The following LRCH1 variants were observed in gnomAD, a reference collection of about 807,000 sequenced individuals.
LRCH1 encodes the protein leucine-rich repeat and calponin homology domain-containing protein 1.
LRCH1 carries 23 observed loss-of-function variants against 94.9 expected under a neutral mutation model. That is an observed-to-expected ratio of 0.24 (90% CI 0.17 to 0.34). The LOEUF (loss-of-function observed/expected upper bound fraction) is 0.34, where lower values mean the gene tolerates loss of function less well. LRCH1 is among the 10% of genes least tolerant of loss of function. The probability of loss-of-function intolerance (pLI) is 1.00; values close to 1 mark genes in which losing one functional copy is unlikely to be tolerated. For synonymous variants in LRCH1, 364 were observed against 354.9 expected (o/e 1.03, Z -0.29); for missense variants, 790 against 945.9 (o/e 0.84, Z 2.16).
intron 19 of LRCH1, among the ~76,000 whole-genome samples, chr13:46,737,614 A>G (rs1328843317): frequency 6.6e-6 from 1 of 152,218 alleles, no homozygotes; most frequent in Non-Finnish European, 1.5e-5. Context: ...GGTCTTGAAG[A>G]CAGGCCTTAG....
intron 1 of LRCH1, among the ~76,000 whole-genome samples, chr13:46,600,674 G>A (rs1183203273): frequency 7.1e-6 from 1 of 140,192 alleles, no homozygotes; most frequent in African/African-American, 2.6e-5. Context: ...AGTATTTGTT[G>A]CAAGTTGCAG....
At position 46,727,081 on chromosome 13, in the gene LRCH1, G is replaced by A. The variant is rs139099086; in HGVS notation, c.1870-1766G>A. 3.5e-3 allele frequency among the ~76,000 whole-genome samples: 532 copies of A among 152,246 alleles called. 6 individuals carry two copies. Among genetic ancestry groups the A allele is most frequent in the South Asian group, 0.02 (99 of 4,830 alleles). On this transcript the variant is annotated intron_variant, in intron 17 of 19. Transcript: ENST00000389797. Reference sequence around the variant, plus strand: ...TTATTTGACAGATATTTTTAAACCAGCCATGATGAAAATGCTTCGGTGAAC... The same window carrying A: ...TTATTTGACAGATATTTTTAAACCAACCATGATGAAAATGCTTCGGTGAAC...
chr13:46,646,274 G>A (rs2051219843), intron 1 of LRCH1, among the ~76,000 whole-genome samples: 1 of 152,154 alleles, frequency 6.6e-6, no homozygotes, highest in Non-Finnish European at 1.5e-5. Flanking sequence ...AGACAGAGAT[G>A]TGTATACACA....
At chr13:46,660,343 T>A (rs1233651900) in intron 2 of LRCH1, among the ~76,000 whole-genome samples, 1 of 152,026 alleles carries the variant, frequency 6.6e-6, no homozygotes, top group Non-Finnish European at 1.5e-5. Context: ...TTAACTTAGA[T>A]TTTTAGAATC....
At chr13:46,686,952 ATTTTTT>A (rs71077916) in intron 5 of LRCH1, among the ~76,000 whole-genome samples, 57 of 85,444 alleles carry the variant, frequency 6.7e-4, no homozygotes, top group South Asian at 9.1e-4. Context: ...GAGTATATTG[ATTTTTT>A]TTTTTTTTTT....
chr13:46,719,224 C>A (rs141055850), intron 16 of LRCH1, among the ~76,000 whole-genome samples: 102 of 152,338 alleles, frequency 6.7e-4, no homozygotes, highest in Middle Eastern at 6.8e-3. Context: ...GGCGACTGAT[C>A]ATCAGAATAG....
chr13:46,650,113 T>C (rs1308366839), intron 1 of LRCH1, 88 bp from the exon 2 acceptor site: 4 of 862,776 alleles, frequency 4.6e-6, no homozygotes, highest in East Asian at 2.7e-5. Context: ...AAATGTATAA[T>C]GTTAAGAAAA....
At chr13:46,746,596 G>A (rs895682331), downstream of LRCH1, among the ~76,000 whole-genome samples, 2 of 152,092 alleles carry the variant, frequency 1.3e-5, no homozygotes, top group Admixed American at 6.5e-5. Flanking sequence ...AAAAATCTCC[G>A]GGATCCTATA....
intron 1 of LRCH1, among the ~76,000 whole-genome samples, chr13:46,592,109 AC>A (rs1357015995): frequency 6.6e-6 from 1 of 152,160 alleles, no homozygotes; most frequent in Non-Finnish European, 1.5e-5. Flanking sequence ...CTGAGCCCCT[AC>A]CATCTTTCCA....
intron 1 of LRCH1, among the ~76,000 whole-genome samples, chr13:46,627,598 C>G (rs139794187): frequency 6.6e-6 from 1 of 152,232 alleles, no homozygotes; most frequent in African/African-American, 2.4e-5. Flanking sequence ...CTTCTTCTTC[C>G]TCCCTCTCAG....
chr13:46,744,993 CCATA>C, downstream of LRCH1: 7 of 791,150 alleles, frequency 8.8e-6, no homozygotes, highest in Non-Finnish European at 9.2e-6. Flanking sequence ...TTCCTTCATT[CCATA>C]AATATTGAAT....
chr13:46,579,819 T>C (rs535222893), intron 1 of LRCH1, among the ~76,000 whole-genome samples: 48 of 152,366 alleles, frequency 3.2e-4, no homozygotes, highest in African/African-American at 1.1e-3. Flanking sequence ...ACAAAACTTT[T>C]GTTTCAGAAG....
rs778098268 is a variant in LRCH1, at chr13:46,750,682, C to G, written c.*32C>G. 42 of 1,439,166 alleles carry G rather than the reference C, an allele frequency of 2.9e-5. 1 individual carries two copies. The African/African-American group carries it at 5.2e-4, about 18-fold the overall frequency. 89.1% of individuals were successfully genotyped at this position (1,439,166 alleles called of 1,614,324 possible). A position where few individuals can be genotyped will look rare whatever the true frequency, so the allele number is the denominator to read the frequency against. On this transcript the variant is annotated 3_prime_UTR_variant, in exon 19 of 19. Coordinates refer to the LRCH1 transcript ENST00000311191. The stretch of plus-strand genomic sequence containing the variant: ...CCCTTCTCCATTGGGGGCTCAGACT[C>G]TGCTCTCATCCAGGATCCTGAACTC...
intron 1 of LRCH1, among the ~76,000 whole-genome samples, chr13:46,636,028 T>C (rs1217629138): frequency 1.4e-5 from 2 of 147,608 alleles, no homozygotes; most frequent in African/African-American, 2.5e-5. Flanking sequence ...GTAAGACATA[T>C]ACAACACAAC....
At chr13:46,746,576 C>G (rs953938139), downstream of LRCH1, among the ~76,000 whole-genome samples, 1 of 152,182 alleles carries the variant, frequency 6.6e-6, no homozygotes, top group Non-Finnish European at 1.5e-5. Flanking sequence ...TCTACTGTCA[C>G]GTTCTCAACA....
At chr13:46,610,647 A>G (rs2138001913) in intron 1 of LRCH1, among the ~76,000 whole-genome samples, 1 of 152,188 alleles carries the variant, frequency 6.6e-6, no homozygotes, top group South Asian at 2.1e-4. Flanking sequence ...TGTGAATGCC[A>G]TTATTTCATT....
intron 1 of LRCH1, among the ~76,000 whole-genome samples, chr13:46,620,874 G>A (rs531509314): frequency 7.2e-5 from 11 of 152,296 alleles, no homozygotes; most frequent in African/African-American, 2.6e-4. Context: ...ATGTTATGGG[G>A]GACATATCAT....
intron 2 of LRCH1, among the ~76,000 whole-genome samples, chr13:46,667,693 AAAAAAT>A (rs1455253168): frequency 2.0e-5 from 3 of 151,876 alleles, no homozygotes; most frequent in East Asian, 1.9e-4. Context: ...AATAAAAAAT[AAAAAAT>A]AAAGAATTTT....
At chr13:46,663,256 A>G (rs1253844840) in intron 2 of LRCH1, among the ~76,000 whole-genome samples, 1 of 152,216 alleles carries the variant, frequency 6.6e-6, no homozygotes, top group Non-Finnish European at 1.5e-5. Context: ...AAGTGTAAAG[A>G]TAGTCTCTAT....
Sources: gnomAD v4.1 joint callset for allele counts (sites outside exome capture counted in the v4.1 genomes callset) on GRCh38, gnomAD v4.1.1 for gene constraint, MANE v1.5 for transcripts, NCBI Gene and HGNC (gene_info 2026-07-23, HGNC 2026-07-21) for gene names.